FIG4: variants seen among roughly 807,000 people sequenced by gnomAD.
The protein encoded by FIG4 is FIG4 phosphoinositide 5-phosphatase.
In FIG4, 112 loss-of-function variants were observed where a neutral mutation model predicts 118.6. That is an observed-to-expected ratio of 0.94 (90% confidence interval 0.81 to 1.11). FIG4 has a LOEUF of 1.11. Ranked by LOEUF, FIG4 falls within the 50% of genes least tolerant of loss-of-function variation. The probability of loss-of-function intolerance (pLI) is 0.00; values close to 1 mark genes in which losing one functional copy is unlikely to be tolerated. For synonymous variants in FIG4, 369 were observed against 381.2 expected, an observed-to-expected ratio of 0.97 and a Z score of 0.37; for missense variants, 969 against 1,111.7, an observed-to-expected ratio of 0.87 and a Z score of 1.83.
At chr6:109,710,601 T>A (rs1389728695) in intron 1 of FIG4, among the ~76,000 whole-genome samples, 2 of 151,996 alleles carry the variant, frequency 1.3e-5, no homozygotes, top group Non-Finnish European at 2.9e-5. Flanking sequence ...TTTGTTTTGT[T>A]GTTGTTGTTG....
intron 1 of FIG4, among the ~76,000 whole-genome samples, chr6:109,705,471 G>GT (rs1326608615): frequency 6.6e-6 from 1 of 151,972 alleles, no homozygotes; most frequent in Non-Finnish European, 1.5e-5. Flanking sequence ...TTCTTAGACT[G>GT]TTTGAGAAGA....
At chr6:109,711,647 G>A (rs74325446) in intron 1 of FIG4, among the ~76,000 whole-genome samples, 515 of 151,994 alleles carry the variant, frequency 3.4e-3, no homozygotes, top group African/African-American at 0.012. Flanking sequence ...TTTATTTTGA[G>A]CCTGTGGGTT....
rs74852140 is a variant in FIG4 at position 109,822,211 on chromosome 6, A to G, written c.2547-2877A>G. On this transcript the variant is annotated intron_variant, in intron 22 of 22. Coordinates refer to ENST00000230124, the MANE Select transcript of FIG4 (RefSeq NM_014845.6). ...AGAAGTCAGGATAAGGTTACTTATG[A>G]GTCAGGGTAGGGGATTGTGATGGGG... Among the ~76,000 whole-genome samples, 1,331 of 152,272 alleles carry G rather than the reference A, an allele frequency of 8.7e-3. 40 individuals are homozygous for G. In the East Asian group the frequency reaches 0.11, roughly 12 times the overall value.
chr6:109,709,062 C>T (rs1436407382), intron 1 of FIG4, among the ~76,000 whole-genome samples: 1 of 152,130 alleles, frequency 6.6e-6, no homozygotes, highest in African/African-American at 2.4e-5. Context: ...ATGGTATTGC[C>T]TATATTGTCT....
chr6:109,733,369 T>C (rs950723362), intron 5 of FIG4, among the ~76,000 whole-genome samples: 1 of 152,066 alleles, frequency 6.6e-6, no homozygotes, highest in Admixed American at 6.6e-5. Flanking sequence ...GTGACCAGTA[T>C]GTGGGCCTGA....
chr6:109,794,017 T>C (rs1778209692), intron 21 of FIG4, among the ~76,000 whole-genome samples: 1 of 152,220 alleles, frequency 6.6e-6, no homozygotes, highest in Admixed American at 6.5e-5. Context: ...GAATGAATTA[T>C]CTGAAGTTAC....
At chr6:109,693,458 G>A (rs1469047972) in intron 1 of FIG4, among the ~76,000 whole-genome samples, 3 of 152,164 alleles carry the variant, frequency 2.0e-5, no homozygotes, top group Non-Finnish European at 4.4e-5. Flanking sequence ...CAAAGAGATA[G>A]AGGTGTGTTC....
At chr6:109,804,017 T>C (rs1309073326) in intron 22 of FIG4, among the ~76,000 whole-genome samples, 1 of 152,202 alleles carries the variant, frequency 6.6e-6, no homozygotes, top group African/African-American at 2.4e-5. Context: ...AAACATTTTC[T>C]AAGGATTCTT....
chr6:109,693,518 T>C (rs1282576224), intron 1 of FIG4, among the ~76,000 whole-genome samples: 1 of 152,140 alleles, frequency 6.6e-6, no homozygotes, highest in Middle Eastern at 3.2e-3. Flanking sequence ...GGAAACTAAC[T>C]CTGGCCAGCT....
At chr6:109,803,839 A>G (rs757636972) in intron 22 of FIG4, among the ~76,000 whole-genome samples, 20 of 138,520 alleles carry the variant, frequency 1.4e-4, no homozygotes, top group East Asian at 4.3e-4. Context: ...TCATTGTTCA[A>G]TTCCCACCTA....
At position 109,809,001 on chromosome 6, in the gene FIG4, C is replaced by A. The variant is rs373651121; in HGVS notation, c.2546+12150C>A. 2.6e-5 allele frequency among the ~76,000 whole-genome samples: 4 copies of A among 152,288 alleles called. No homozygotes were observed. In the East Asian group the frequency reaches 7.7e-4, roughly 29 times the overall value. ...AACTCATGCATGGGTAAAAAGCATT[C>A]ATTCCAAGTGTGACATGCATCAATG... On this transcript the variant is annotated intron_variant, in intron 22 of 22. Transcript: ENST00000230124.
intron 4 of FIG4, among the ~76,000 whole-genome samples, chr6:109,732,390 C>A (rs1583660483): frequency 6.6e-6 from 1 of 152,160 alleles, no homozygotes; most frequent in Admixed American, 6.6e-5. Flanking sequence ...CATGTAGATG[C>A]ACGACTTTGC....
At chr6:109,816,874 G>A (rs935568554) in intron 22 of FIG4, among the ~76,000 whole-genome samples, 7 of 152,206 alleles carry the variant, frequency 4.6e-5, no homozygotes, top group Non-Finnish European at 7.3e-5. Flanking sequence ...TAAGTAGGGC[G>A]TCATCACCTC....
intron 10 of FIG4, among the ~76,000 whole-genome samples, chr6:109,757,953 A>G (rs1029516826): frequency 6.6e-6 from 1 of 152,156 alleles, no homozygotes; most frequent in African/African-American, 2.4e-5. Flanking sequence ...GCCCAGTGAA[A>G]TAAGAGAGGG....
chr6:109,800,278 G>A lies in FIG4; in HGVS notation c.2546+3427G>A, dbSNP rs569144320. On this transcript the variant is annotated intron_variant, in intron 22 of 22. Coordinates refer to ENST00000230124, the MANE Select transcript of FIG4 (RefSeq NM_014845.6). ...TTAGCATTAACAGACCTCATTTTGGGCATCTGACATGACCTGGATTTTTAG... is the reference window on the plus strand; with the variant it reads ...TTAGCATTAACAGACCTCATTTTGGACATCTGACATGACCTGGATTTTTAG... Among the ~76,000 whole-genome samples the A allele has an allele frequency of 3.3e-5, 5 of 152,262 alleles. No individual in the cohort carries two copies. In the South Asian group the frequency reaches 1.0e-3, roughly 32 times the overall value.
intron 1 of FIG4, among the ~76,000 whole-genome samples, chr6:109,693,734 G>A (rs562599129): frequency 4.8e-4 from 73 of 152,264 alleles, no homozygotes; most frequent in Middle Eastern, 3.4e-3. Flanking sequence ...TCATGGCCAG[G>A]GGGGGTCTGG....
Position 109,727,105 on chromosome 6 carries a change from A to C in FIG4, c.290-4A>C. On this transcript the variant is annotated splice_polypyrimidine_tract_variant and splice_region_variant and intron_variant, in intron 3 of 22. Transcript: ENST00000230124. Reference sequence around the variant, plus strand: ...CATATTTCTCTTTATTTTTTGTTGCATAGGTTTTGTCAGGTTCTTAGAAGG... The same window carrying C: ...CATATTTCTCTTTATTTTTTGTTGCCTAGGTTTTGTCAGGTTCTTAGAAGG... 6.2e-7 allele frequency: 1 copy of C among 1,605,906 alleles called. No individual in the cohort carries two copies. The highest frequency in any genetic ancestry group is 8.5e-7 in the Non-Finnish European group (1 of 1,172,662).
intron 3 of FIG4, among the ~76,000 whole-genome samples, chr6:109,725,631 T>G (rs562911351): frequency 1.1e-4 from 17 of 152,318 alleles, no homozygotes; most frequent in African/African-American, 4.1e-4. Flanking sequence ...GTAATGGGAT[T>G]GCTGGGTCAA....
chr6:109,759,913 T>A (rs1412271066), intron 10 of FIG4, among the ~76,000 whole-genome samples: 1 of 152,210 alleles, frequency 6.6e-6, no homozygotes, highest in Non-Finnish European at 1.5e-5. Context: ...TCCCTTCTTC[T>A]GGTCCTTGGG....
Sources: gnomAD v4.1 joint callset for allele counts (sites outside exome capture counted in the v4.1 genomes callset) on GRCh38, gnomAD v4.1.1 for gene constraint, MANE v1.5 for transcripts, NCBI Gene and HGNC (gene_info 2026-07-23, HGNC 2026-07-21) for gene names.